R3HDM2: variants seen among roughly 807,000 people sequenced by gnomAD.
R3HDM2 encodes R3H domain containing 2.
A neutral mutation model predicts 124.5 loss-of-function variants in R3HDM2; 38 were observed. The observed-to-expected ratio is 0.31, with a 90% CI of 0.24 to 0.40. The LOEUF is 0.40. R3HDM2 is among the 10% of genes least tolerant of loss of function. R3HDM2 has a pLI of 1.00. For synonymous variants in R3HDM2, 391 were observed against 448.0 expected (o/e 0.87, Z 1.61); for missense variants, 869 against 1,236.9 (o/e 0.70, Z 4.46).
At chr12:57,331,950 C>T (rs1366631448) in intron 2 of R3HDM2, among the ~76,000 whole-genome samples, 2 of 150,608 alleles carry the variant, frequency 1.3e-5, no homozygotes, top group South Asian at 2.1e-4. Context: ...ATTAGCTAGG[C>T]ATGGTGGCAT....
chr12:57,307,363 G>A (rs1322525988), intron 3 of R3HDM2, among the ~76,000 whole-genome samples: 2 of 152,020 alleles, frequency 1.3e-5, no homozygotes, highest in Admixed American at 6.6e-5. Flanking sequence ...CTGTCACCCA[G>A]GCTGGAGTGC....
At chr12:57,343,775 A>C (rs934039647) in intron 2 of R3HDM2, among the ~76,000 whole-genome samples, 17 of 151,692 alleles carry the variant, frequency 1.1e-4, no homozygotes, top group South Asian at 2.1e-4. Flanking sequence ...AAAAAAAAAA[A>C]AAAAAAAAAA....
intron 1 of R3HDM2, among the ~76,000 whole-genome samples, chr12:57,397,962 T>C (rs1402793285): frequency 6.6e-6 from 1 of 152,124 alleles, no homozygotes; most frequent in Non-Finnish European, 1.5e-5. Flanking sequence ...GGCGGGCGAA[T>C]CACGAGCTCA....
intron 2 of R3HDM2, among the ~76,000 whole-genome samples, chr12:57,323,674 G>A (rs917021932): frequency 5.3e-5 from 8 of 152,212 alleles, no homozygotes; most frequent in African/African-American, 1.9e-4. Flanking sequence ...TATTTGCTCA[G>A]TATCTGTTAT....
At chr12:57,406,174 A>G (rs1028394463) in intron 1 of R3HDM2, among the ~76,000 whole-genome samples, 1 of 152,078 alleles carries the variant, frequency 6.6e-6, no homozygotes, top group Non-Finnish European at 1.5e-5. Context: ...ATACAAAATT[A>G]GCCAGGTGTG....
chr12:57,322,100 C>A (rs2056548875), intron 2 of R3HDM2, among the ~76,000 whole-genome samples: 1 of 152,082 alleles, frequency 6.6e-6, no homozygotes, highest in South Asian at 2.1e-4. Context: ...TGGTGGCGCT[C>A]GCCTGTTCGG....
chr12:57,295,381 C>A lies in R3HDM2; in HGVS notation c.810+18G>T, dbSNP rs1458651261. The A allele has an allele frequency of 6.6e-7, 1 of 1,515,362 alleles. No individual in the cohort carries two copies. The highest frequency in any genetic ancestry group is 2.0e-5 in the Admixed American group (1 of 50,962). The allele number at this position is 1,515,362 out of a possible 1,614,324, so 93.9% of individuals were successfully genotyped here. A position where few individuals can be genotyped will look rare whatever the true frequency, so the allele number is the denominator to read the frequency against. ...ACTGCAAACTCTCTATATAGGCCCA[C>A]CCCTTTCCATTCTTCACCTGGTTAT... On this transcript the variant is annotated intron_variant, in intron 10 of 23. Coordinates refer to ENST00000402412, the MANE Select transcript of R3HDM2 (RefSeq NM_001394031.1).
chr12:57,273,413 T>A (rs1400252764), intron 14 of R3HDM2, among the ~76,000 whole-genome samples: 1 of 152,110 alleles, frequency 6.6e-6, no homozygotes, highest in Non-Finnish European at 1.5e-5. Flanking sequence ...TTTGATCACC[T>A]CATCAGTTCT....
At chr12:57,367,750 G>A (rs1215684129) in intron 2 of R3HDM2, among the ~76,000 whole-genome samples, 1 of 152,146 alleles carries the variant, frequency 6.6e-6, no homozygotes, top group Non-Finnish European at 1.5e-5. Context: ...TAAGACAGCA[G>A]CATAAATCAG....
chr12:57,353,933 G>A (rs2060953888), intron 2 of R3HDM2, among the ~76,000 whole-genome samples: 1 of 151,588 alleles, frequency 6.6e-6, no homozygotes, highest in Non-Finnish European at 1.5e-5. Context: ...TCGGCTTACT[G>A]TAACCTCCAC....
At chr12:57,405,526 G>T (rs1221170574) in intron 1 of R3HDM2, among the ~76,000 whole-genome samples, 1 of 151,974 alleles carries the variant, frequency 6.6e-6, no homozygotes, top group Non-Finnish European at 1.5e-5. Flanking sequence ...CTCAGCTACT[G>T]GGGAGGCTGA....
intron 2 of R3HDM2, among the ~76,000 whole-genome samples, chr12:57,348,692 T>TAA (rs2060300753): frequency 4.8e-5 from 1 of 20,764 alleles, no homozygotes; most frequent in African/African-American, 2.0e-4. Flanking sequence ...AGACTCCGTC[T>TAA]CAAAAAAAAA....
chr12:57,326,483 G>T (rs2057326750), intron 2 of R3HDM2, among the ~76,000 whole-genome samples: 1 of 152,198 alleles, frequency 6.6e-6, no homozygotes. Context: ...TTCTATGAAG[G>T]CTGAGAAAGG....
At chr12:57,429,083 A>C (rs996963031) in intron 1 of R3HDM2, among the ~76,000 whole-genome samples, 1 of 152,082 alleles carries the variant, frequency 6.6e-6, no homozygotes, top group African/African-American at 2.4e-5. Context: ...AATTTTTTTA[A>C]AACTTTACAT....
At chr12:57,270,815 C>T (rs985164239) in intron 14 of R3HDM2, among the ~76,000 whole-genome samples, 5 of 151,482 alleles carry the variant, frequency 3.3e-5, no homozygotes, top group African/African-American at 9.7e-5. Context: ...GTGATCAGCC[C>T]GCCTCAGCCT....
In R3HDM2 at chr12:57,364,282, G is replaced by A. The variant is rs552578026; in HGVS notation, c.-36+31467C>T. Among the ~76,000 whole-genome samples, 13 of 151,510 alleles carry A rather than the reference G, an allele frequency of 8.6e-5. No homozygotes were observed. In the East Asian group the frequency reaches 2.0e-3, roughly 23 times the overall value. ...CCTGTGTCGGCCTCCAGAGTAGCTG[G>A]GATTACAGACGCACATCACCATGCC... On this transcript the variant is annotated intron_variant, in intron 2 of 23. Transcript: ENST00000402412.
intron 14 of R3HDM2, 69 bp from the exon 15 acceptor site, chr12:57,270,063 C>G: frequency 6.4e-7 from 1 of 1,566,070 alleles, no homozygotes; most frequent in Non-Finnish European, 8.7e-7. Context: ...TCAACATAGA[C>G]AGAGAGAAAT....
chr12:57,384,499 T>TA (rs929632812), intron 2 of R3HDM2, among the ~76,000 whole-genome samples: 3 of 151,960 alleles, frequency 2.0e-5, no homozygotes, highest in Non-Finnish European at 2.9e-5. Flanking sequence ...GAAGGCTGTA[T>TA]AAAAAAAATA....
intron 1 of R3HDM2, among the ~76,000 whole-genome samples, chr12:57,403,424 G>A (rs1364132962): frequency 2.7e-5 from 4 of 150,924 alleles, no homozygotes; most frequent in African/African-American, 4.9e-5. Context: ...CCTGGGAGGC[G>A]GAGGTTGTAG....
Sources: gnomAD v4.1 joint callset for allele counts (sites outside exome capture counted in the v4.1 genomes callset) on GRCh38, gnomAD v4.1.1 for gene constraint, MANE v1.5 for transcripts, NCBI Gene and HGNC (gene_info 2026-07-23, HGNC 2026-07-21) for gene names.